EP400: variants seen among roughly 807,000 people sequenced by gnomAD.
The protein encoded by EP400 is E1A-binding protein p400.
A neutral mutation model predicts 354.1 loss-of-function variants in EP400; 105 were observed. The observed-to-expected ratio is 0.30, with a 90% CI of 0.25 to 0.35. The LOEUF (loss-of-function observed/expected upper bound fraction) is 0.35. Among genes scored for constraint, EP400 ranks in the 10% least tolerant of loss-of-function variants. EP400 has a pLI of 1.00. For missense variants in EP400, 3,280 were observed against 4,121.0 expected, an observed-to-expected ratio of 0.80 and a Z score of 5.59; for synonymous variants, 1,646 against 1,716.9, an observed-to-expected ratio of 0.96 and a Z score of 1.02.
intron 32 of EP400, among the ~76,000 whole-genome samples, chr12:132,042,039 C>A (rs1046321618): frequency 1.3e-5 from 2 of 151,124 alleles, no homozygotes; most frequent in African/African-American, 4.9e-5. Flanking sequence ...GCAACCTCCA[C>A]CTCCCAGGTC....
intron 2 of EP400, among the ~76,000 whole-genome samples, chr12:131,972,920 C>T (rs775604265): frequency 2.0e-5 from 3 of 151,626 alleles, no homozygotes; most frequent in Non-Finnish European, 2.9e-5. Context: ...TTAGTAGAGG[C>T]GGGATTTTAC....
At chr12:132,010,524 C>T (rs1272322969) in intron 15 of EP400, among the ~76,000 whole-genome samples, 1 of 152,122 alleles carries the variant, frequency 6.6e-6, no homozygotes, top group Non-Finnish European at 1.5e-5. Flanking sequence ...CAGTAATGGC[C>T]ATAGATGGAT....
chr12:132,038,209 C>T lies in EP400; in HGVS notation c.6207+113C>T, dbSNP rs1894779064. 1.5e-6 allele frequency: 2 copies of T among 1,377,136 alleles called. No individual in the cohort carries two copies. Among genetic ancestry groups the T allele is most frequent in the East Asian group, 2.4e-5 (1 of 42,500 alleles). The allele number at this position is 1,377,136 out of a possible 1,614,324, so 85.3% of individuals were successfully genotyped here. On this transcript the variant is annotated intron_variant, in intron 32 of 52. Coordinates refer to ENST00000389561, the MANE Select transcript of EP400 (RefSeq NM_015409.5). This position sits in a 1 kb window ranked among gnomAD's most constrained non-coding sequence, Gnocchi z 4.2. The stretch of plus-strand genomic sequence containing the variant: ...TCCCCACTCTTCCCTGGCCTGAAGC[C>T]CTCTTCCCGTCCCTGCTTTTGGAAC...
chr12:132,038,152 C>T lies in EP400; in HGVS notation c.6207+56C>T, dbSNP rs2136567907. Reference sequence around the variant, plus strand: ...TGCACGGTGGGAGCCGGCGGAACACCTGCACCCTCCCCCAGGGTTCTGGGT... The same window carrying T: ...TGCACGGTGGGAGCCGGCGGAACACTTGCACCCTCCCCCAGGGTTCTGGGT... On this transcript the variant is annotated intron_variant, in intron 32 of 52. Transcript: ENST00000389561. The surrounding 1 kb of genome is among the most constrained non-coding windows in gnomAD (Gnocchi z 4.2). 1.2e-6 allele frequency: 2 copies of T among 1,604,136 alleles called. No individual in the cohort carries two copies. The highest frequency in any genetic ancestry group is 1.7e-6 in the Non-Finnish European group (2 of 1,174,020).
At chr12:131,969,074 C>A (rs1158963341) in intron 2 of EP400, among the ~76,000 whole-genome samples, 1 of 150,896 alleles carries the variant, frequency 6.6e-6, no homozygotes, top group Non-Finnish European at 1.5e-5. Context: ...TTGGCAAGGG[C>A]ACCCAGTATG....
intron 2 of EP400, among the ~76,000 whole-genome samples, chr12:131,978,102 T>C (rs1892544908): frequency 6.6e-6 from 1 of 152,044 alleles, no homozygotes; most frequent in South Asian, 2.1e-4. Flanking sequence ...TAACCAAGAG[T>C]TGGCTAGTTT....
At chr12:132,061,000 A>G (rs1895676666) in intron 45 of EP400, among the ~76,000 whole-genome samples, 1 of 152,198 alleles carries the variant, frequency 6.6e-6, no homozygotes, top group African/African-American at 2.4e-5. Flanking sequence ...CCTTCACTGA[A>G]TGATATGCTT....
intron 50 of EP400, 81 bp from the exon 51 acceptor site, chr12:132,069,414 A>G: frequency 6.4e-7 from 1 of 1,554,758 alleles, no homozygotes. Context: ...GTTCTGCCAT[A>G]GGGCCCAGAG....
At chr12:132,035,541 C>T (rs1297123947) in intron 30 of EP400, among the ~76,000 whole-genome samples, 2 of 149,714 alleles carry the variant, frequency 1.3e-5, no homozygotes, top group African/African-American at 5.0e-5. Flanking sequence ...GGTTCACACA[C>T]ACAGCATCGT....
intron 9 of EP400, 134 bp from the exon 10 acceptor site, chr12:131,991,273 T>C (rs751941826): frequency 2.5e-6 from 2 of 791,524 alleles, no homozygotes; most frequent in Non-Finnish European, 2.2e-6. Flanking sequence ...GTGATGATGA[T>C]GAGGAGGCAG....
intron 19 of EP400, among the ~76,000 whole-genome samples, chr12:132,016,291 G>T (rs1020276756): frequency 1.3e-5 from 2 of 152,100 alleles, no homozygotes; most frequent in African/African-American, 2.4e-5. Flanking sequence ...TGCTCCTCAC[G>T]CATCAAGGCC....
chr12:132,008,163 G>A lies in EP400; in HGVS notation c.3304+1286G>A, dbSNP rs190247820. On this transcript the variant is annotated intron_variant, in intron 15 of 52. Transcript: ENST00000389561. ...GGGTTTCTCCATGTTGGTCAGGCTGGTCTCGAACTCCCAACCTCAGGTGAT... is the reference window on the plus strand; with the variant it reads ...GGGTTTCTCCATGTTGGTCAGGCTGATCTCGAACTCCCAACCTCAGGTGAT... Among the ~76,000 whole-genome samples, 399 of 152,274 alleles carry A rather than the reference G, an allele frequency of 2.6e-3. 4 individuals carry two copies. The highest frequency in any genetic ancestry group is 9.2e-3 in the African/African-American group (383 of 41,540).
intron 7 of EP400, among the ~76,000 whole-genome samples, chr12:131,988,526 T>G (rs1042252891): frequency 5.3e-5 from 8 of 152,234 alleles, no homozygotes; most frequent in African/African-American, 1.9e-4. Context: ...CCACACGGCC[T>G]CCTGCCCTTC....
intron 30 of EP400, among the ~76,000 whole-genome samples, chr12:132,033,050 C>G (rs978703321): frequency 1.3e-5 from 2 of 152,068 alleles, no homozygotes; most frequent in Non-Finnish European, 2.9e-5. Flanking sequence ...TGGGTTCAAG[C>G]GATTCTTCCG....
intron 2 of EP400, among the ~76,000 whole-genome samples, chr12:131,972,628 A>G (rs1892330694): frequency 6.6e-6 from 1 of 152,122 alleles, no homozygotes; most frequent in Non-Finnish European, 1.5e-5. Flanking sequence ...ATTTATTTAT[A>G]AAAAGATAAA....
Position 131,972,715 on chromosome 12 carries a change from C to G in EP400, c.1336-6979C>G, listed in dbSNP as rs560969247. Among the ~76,000 whole-genome samples, 26 of 150,192 alleles carry G rather than the reference C, an allele frequency of 1.7e-4. No individual in the cohort carries two copies. In the East Asian group the frequency reaches 4.5e-3, roughly 26 times the overall value. ...AATAATTCGCCATAATTTTATCACC[C>G]TAACACAACCTTTTTTTTTTTTTTT... is the stretch of plus-strand genomic sequence containing the variant. On this transcript the variant is annotated intron_variant, in intron 2 of 52. Coordinates refer to ENST00000389561, the MANE Select transcript of EP400 (RefSeq NM_015409.5).
At position 131,968,469 on chromosome 12, in the gene EP400, C is replaced by T. The variant is rs1197273614; in HGVS notation, c.1335+6515C>T. ...TGCCAGTGTCACACTATTGTGATTACTATAGCTTTATGTAAGTTTTGAAGT... is the reference window on the plus strand; with the variant it reads ...TGCCAGTGTCACACTATTGTGATTATTATAGCTTTATGTAAGTTTTGAAGT... On this transcript the variant is annotated intron_variant, in intron 2 of 52. Coordinates refer to ENST00000389561, the MANE Select transcript of EP400 (RefSeq NM_015409.5). Among the ~76,000 whole-genome samples, 9 of 152,324 alleles carry T rather than the reference C, an allele frequency of 5.9e-5. No homozygotes were observed. In the Middle Eastern group the frequency reaches 0.01, roughly 173 times the overall value.
chr12:131,973,322 A>G (rs1892362276), intron 2 of EP400, among the ~76,000 whole-genome samples: 1 of 152,216 alleles, frequency 6.6e-6, no homozygotes, highest in Non-Finnish European at 1.5e-5. Flanking sequence ...TTTAGCTAAA[A>G]GTGCTGCTAG....
chr12:132,053,283 A>G, intron 42 of EP400, 59 bp downstream of exon 42: 1 of 1,609,084 alleles, frequency 6.2e-7, no homozygotes, highest in Non-Finnish European at 8.5e-7. Flanking sequence ...GACTTCATCC[A>G]GGGGGTATGC....
Sources: gnomAD v4.1 joint callset for allele counts (sites outside exome capture counted in the v4.1 genomes callset) on GRCh38, gnomAD v4.1.1 for gene constraint, Gnocchi (gnomAD v3.1) non-coding constraint, MANE v1.5 for transcripts, NCBI Gene and HGNC (gene_info 2026-07-23, HGNC 2026-07-21) for gene names.